The following SLC44A1 variants were observed in gnomAD, a reference collection of about 807,000 sequenced individuals.
The protein encoded by SLC44A1 is choline transporter-like protein 1.
A neutral mutation model predicts 79.3 loss-of-function variants in SLC44A1; 26 were observed. That is an observed-to-expected ratio of 0.33 (90% CI 0.24 to 0.46). SLC44A1 has a LOEUF of 0.46. Ranked by LOEUF, SLC44A1 falls within the 20% of genes least tolerant of loss-of-function variation. The pLI, the probability that SLC44A1 is intolerant of heterozygous loss-of-function variation, is 1.00. For synonymous variants in SLC44A1, 263 were observed against 286.2 expected, an observed-to-expected ratio of 0.92 and a Z score of 0.82; for missense variants, 688 against 798.1, an observed-to-expected ratio of 0.86 and a Z score of 1.66.
At chr9:105,362,053 C>T (rs1207300594) in intron 8 of SLC44A1, among the ~76,000 whole-genome samples, 2 of 151,116 alleles carry the variant, frequency 1.3e-5, no homozygotes, top group African/African-American at 2.4e-5. Context: ...TTTGTGTGTG[C>T]GTGTGTGTGC....
chr9:105,385,553 C>CCT (rs780417141), intron 15 of SLC44A1, 51 bp downstream of exon 15: 97 of 1,546,090 alleles, frequency 6.3e-5, no homozygotes, highest in Admixed American at 3.6e-4. Context: ...ACTTTCACTT[C>CCT]CTCTCTCTCT....
Position 105,396,899 on chromosome 9 carries a change from C to T in SLC44A1, c.*7843C>T. ...TTTTTTTCTTATTACAGTGTCACTACACTGTATTCATGTGGGGGAACAAAC... is the reference window on the plus strand; with the variant it reads ...TTTTTTTCTTATTACAGTGTCACTATACTGTATTCATGTGGGGGAACAAAC... On this transcript the variant is annotated 3_prime_UTR_variant, in exon 16 of 16. Transcript: ENST00000374720. 3 of 985,092 alleles carry T rather than the reference C, an allele frequency of 3.0e-6. No homozygotes were observed. Among genetic ancestry groups the T allele is most frequent in the Non-Finnish European group, 3.6e-6 (3 of 829,656 alleles). 61.0% of individuals were successfully genotyped at this position (985,092 alleles called of 1,614,324 possible). A position where few individuals can be genotyped will look rare whatever the true frequency, so the allele number is the denominator to read the frequency against.
At chr9:105,376,012 A>C (rs1828269472) in intron 13 of SLC44A1, among the ~76,000 whole-genome samples, 2 of 151,976 alleles carry the variant, frequency 1.3e-5, no homozygotes, top group Non-Finnish European at 2.9e-5. Flanking sequence ...TCTTGTTTTG[A>C]TAATCTTCAC....
chr9:105,266,911 A>C (rs10991602), intron 1 of SLC44A1, among the ~76,000 whole-genome samples: 1 of 152,194 alleles, frequency 6.6e-6, no homozygotes, highest in African/African-American at 2.4e-5. Flanking sequence ...TTAATTGTCA[A>C]ATTAATACTG....
In SLC44A1 at chr9:105,244,796, C is replaced by G. The variant is rs1228584839; in HGVS notation, c.-73C>G. 1.0e-6 allele frequency: 1 copy of G among 992,278 alleles called. No homozygotes were observed. The highest frequency in any genetic ancestry group is 5.0e-5 in the East Asian group (1 of 20,070). 61.5% of individuals were successfully genotyped at this position (992,278 alleles called of 1,614,324 possible). ...GGCCGCGCCCTCCCCGGGCGCCCGC[C>G]GGCTCGCATGCCGAGGGGCTCCGGG... On this transcript the variant is annotated 5_prime_UTR_variant, in exon 1 of 16. Coordinates refer to ENST00000374720, the MANE Select transcript of SLC44A1 (RefSeq NM_080546.5).
chr9:105,419,970 A>T, intron 15 of SLC44A1, among the ~76,000 whole-genome samples: 1 of 150,740 alleles, frequency 6.6e-6, no homozygotes, highest in Non-Finnish European at 1.5e-5. Context: ...GCCTGCTCTG[A>T]GAGTTGAGAG....
rs1829020977 is a variant in SLC44A1, at chr9:105,405,706, CAG to C, written c.1950+20205_1950+20206del. ...CTGGTGGCTCCCTGAATGATCAACT[CAG>C]GGGTTTATCTTTGTGTCACATGCCT... On this transcript the variant is annotated intron_variant, in intron 15 of 15. Transcript: ENST00000374724. Among the ~76,000 whole-genome samples the C allele has an allele frequency of 2.0e-5, 3 of 152,066 alleles. 1 individual carries two copies. The highest frequency in any genetic ancestry group is 2.0e-4 in the Admixed American group (3 of 15,258).
intron 4 of SLC44A1, among the ~76,000 whole-genome samples, chr9:105,348,084 T>C (rs1049493309): frequency 6.6e-6 from 1 of 152,088 alleles, no homozygotes; most frequent in Non-Finnish European, 1.5e-5. Flanking sequence ...AATGTCATCT[T>C]GCAGAGAACC....
rs1829846902 is a variant in SLC44A1 at position 105,261,803 on chromosome 9, G to A, written c.36+16899G>A. Among the ~76,000 whole-genome samples the A allele has an allele frequency of 2.1e-5, 3 of 145,168 alleles. No individual in the cohort carries two copies. In the South Asian group the frequency reaches 6.7e-4, roughly 32 times the overall value. ...TTTTTTTTTTTTTTTTTTTTGAGAGGGAGTCTCACTTTGTCGCTCAGGCTG... is the reference window on the plus strand; with the variant it reads ...TTTTTTTTTTTTTTTTTTTTGAGAGAGAGTCTCACTTTGTCGCTCAGGCTG... On this transcript the variant is annotated intron_variant, in intron 1 of 15. Coordinates refer to ENST00000374720, the MANE Select transcript of SLC44A1 (RefSeq NM_080546.5).
intron 3 of SLC44A1, among the ~76,000 whole-genome samples, chr9:105,311,041 T>C (rs1314601859): frequency 6.6e-6 from 1 of 152,208 alleles, no homozygotes; most frequent in African/African-American, 2.4e-5. Flanking sequence ...AGTTTTTCTC[T>C]TGATATGCAC....
In SLC44A1 at chr9:105,393,788, AC is replaced by A; in HGVS notation, c.*4734del. 6 of 985,336 alleles carry A rather than the reference AC, an allele frequency of 6.1e-6. No individual in the cohort carries two copies. The highest frequency in any genetic ancestry group is 7.2e-6 in the Non-Finnish European group (6 of 829,848). The allele number at this position is 985,336 out of a possible 1,614,324, so 61.0% of individuals were successfully genotyped here. A position where few individuals can be genotyped will look rare whatever the true frequency, so the allele number is the denominator to read the frequency against. On this transcript the variant is annotated 3_prime_UTR_variant, in exon 16 of 16. Coordinates refer to ENST00000374720, the MANE Select transcript of SLC44A1 (RefSeq NM_080546.5). ...TGAAAAACATGTGAGATTGTTCGAG[AC>A]CTATTAGGCTATTCTTCAGTTTTGA... is the stretch of plus-strand genomic sequence containing the variant.
intron 15 of SLC44A1, among the ~76,000 whole-genome samples, chr9:105,410,064 T>C (rs1037903925): frequency 6.6e-6 from 1 of 152,174 alleles, no homozygotes; most frequent in Admixed American, 6.5e-5. Flanking sequence ...CTCAAAATGT[T>C]ATGAAAATAA....
chr9:105,396,183 A>G lies in SLC44A1; in HGVS notation c.*7127A>G, dbSNP rs1828872031. 3.0e-6 allele frequency: 3 copies of G among 985,322 alleles called. No homozygotes were observed. The African/African-American group carries it at 5.2e-5, about 17-fold the overall frequency. 61.0% of individuals were successfully genotyped at this position (985,322 alleles called of 1,614,324 possible). ...GTTGGAGTTTTCTGACTTCTTCCCT[A>G]TAAAAAGATACTGAGAGCTCCATAA... On this transcript the variant is annotated 3_prime_UTR_variant, in exon 16 of 16. Coordinates refer to ENST00000374720, the MANE Select transcript of SLC44A1 (RefSeq NM_080546.5).
chr9:105,335,230 A>G (rs1055753443), intron 3 of SLC44A1, among the ~76,000 whole-genome samples: 1 of 152,158 alleles, frequency 6.6e-6, no homozygotes, highest in South Asian at 2.1e-4. Context: ...TGATATTCCA[A>G]TAATTTTTTT....
intron 3 of SLC44A1, among the ~76,000 whole-genome samples, chr9:105,333,466 G>A (rs926614791): frequency 6.6e-6 from 1 of 152,078 alleles, no homozygotes; most frequent in Non-Finnish European, 1.5e-5. Context: ...CTGATAAATA[G>A]TAAGTACTCA....
downstream of SLC44A1, among the ~76,000 whole-genome samples, chr9:105,400,338 A>T (rs577477216): frequency 5.1e-4 from 77 of 151,392 alleles, no homozygotes; most frequent in African/African-American, 1.8e-3. Context: ...AAAATACAAA[A>T]ATTAGCTGAG....
intron 3 of SLC44A1, among the ~76,000 whole-genome samples, chr9:105,313,893 G>A (rs1831247531): frequency 6.6e-6 from 1 of 151,852 alleles, no homozygotes; most frequent in Non-Finnish European, 1.5e-5. Context: ...TGAGTTAGCT[G>A]GGACCACAGG....
intron 2 of SLC44A1, among the ~76,000 whole-genome samples, chr9:105,308,578 T>C (rs139177512): frequency 7.9e-5 from 12 of 152,324 alleles, no homozygotes; most frequent in Admixed American, 3.9e-4. Context: ...ACACAGTTTG[T>C]TTGCCTTTTT....
At chr9:105,347,251 T>G (rs2131378597) in intron 4 of SLC44A1, among the ~76,000 whole-genome samples, 1 of 152,202 alleles carries the variant, frequency 6.6e-6, no homozygotes, top group South Asian at 2.1e-4. Flanking sequence ...ATATAAAAGT[T>G]CAGTATCTTC....
Sources: allele counts gnomAD v4.1 joint callset (sites outside exome capture counted in the v4.1 genomes callset), GRCh38; gene constraint gnomAD v4.1.1; transcripts MANE v1.5; gene names NCBI Gene and HGNC (gene_info 2026-07-23, HGNC 2026-07-21).